Variants in SGCZ observed in about 807,000 individuals in gnomAD.
SGCZ encodes sarcoglycan zeta.
A neutral mutation model predicts 41.3 loss-of-function variants in SGCZ; 40 were observed. The ratio of observed to expected loss-of-function variants is 0.97; its 90% CI spans 0.75 to 1.26. The LOEUF is 1.26. SGCZ is among the 50% of genes most tolerant of loss of function. The pLI is 0.00. For missense variants in SGCZ, 552 were observed against 369.8 expected (o/e 1.49, Z -4.04); for synonymous variants, 206 against 137.5 (o/e 1.50, Z -3.49).
chr8:14,447,100 T>C (rs1800454812), intron 2 of SGCZ, among the ~76,000 whole-genome samples: 1 of 152,118 alleles, frequency 6.6e-6, no homozygotes, highest in African/African-American at 2.4e-5. Flanking sequence ...TGAATTTTCT[T>C]TAGTCAATTA....
chr8:15,186,101 TAA>T (rs34733244), intron 1 of SGCZ, among the ~76,000 whole-genome samples: 74,991 of 144,854 alleles, frequency 0.52, 20,134 homozygotes, highest in Non-Finnish European at 0.59. Flanking sequence ...AATAAAAAAA[TAA>T]AAAAAAAACT....
chr8:14,911,204 C>T (rs1392864565), intron 1 of SGCZ, among the ~76,000 whole-genome samples: 1 of 151,984 alleles, frequency 6.6e-6, no homozygotes, highest in Non-Finnish European at 1.5e-5. Flanking sequence ...TTCAAATTGT[C>T]AAAGTAATCA....
At chr8:14,484,007 C>T (rs1801605601) in intron 2 of SGCZ, among the ~76,000 whole-genome samples, 1 of 152,142 alleles carries the variant, frequency 6.6e-6, no homozygotes, top group African/African-American at 2.4e-5. Context: ...TTTGCAGTTT[C>T]TACACCTTAA....
intron 1 of SGCZ, among the ~76,000 whole-genome samples, chr8:15,119,872 C>A (rs967462825): frequency 3.9e-4 from 60 of 152,238 alleles, no homozygotes; most frequent in African/African-American, 1.4e-3. Context: ...TGCAGTAGTG[C>A]GATCATAACG....
intron 2 of SGCZ, among the ~76,000 whole-genome samples, chr8:14,470,326 G>A (rs1326337538): frequency 6.6e-6 from 1 of 152,022 alleles, no homozygotes; most frequent in Non-Finnish European, 1.5e-5. Flanking sequence ...AATCTCCAGT[G>A]CCTGGTCAAT....
At chr8:14,591,481 C>A (rs1156854216) in intron 1 of SGCZ, among the ~76,000 whole-genome samples, 1 of 151,922 alleles carries the variant, frequency 6.6e-6, no homozygotes, top group African/African-American at 2.4e-5. Context: ...TATTTTAAAA[C>A]CCTGATCAAA....
intron 7 of SGCZ, among the ~76,000 whole-genome samples, chr8:14,101,160 TAATCACTAA>T (rs1802008173): frequency 6.6e-6 from 1 of 152,032 alleles, no homozygotes; most frequent in African/African-American, 2.4e-5. Flanking sequence ...ATTAAAAACA[TAATCACTAA>T]AATTAAAAGC....
chr8:14,638,906 T>TA (rs1273140470), intron 1 of SGCZ, among the ~76,000 whole-genome samples: 3 of 151,754 alleles, frequency 2.0e-5, no homozygotes, highest in African/African-American at 7.3e-5. Context: ...GCTGGTTCAG[T>TA]AAAAGAATGA....
At chr8:15,181,354 A>G (rs1366131407) in intron 1 of SGCZ, among the ~76,000 whole-genome samples, 1 of 152,152 alleles carries the variant, frequency 6.6e-6, no homozygotes, top group East Asian at 1.9e-4. Context: ...GAATAAAGAT[A>G]TACCACAGAA....
At chr8:14,262,873 G>C (rs942119283) in intron 3 of SGCZ, among the ~76,000 whole-genome samples, 4 of 148,052 alleles carry the variant, frequency 2.7e-5, no homozygotes, top group Admixed American at 6.7e-5. Context: ...CAAAATGTGA[G>C]AAGTATAAAT....
At chr8:14,548,256 C>G (rs1354865896) in intron 2 of SGCZ, among the ~76,000 whole-genome samples, 1 of 152,110 alleles carries the variant, frequency 6.6e-6, no homozygotes, top group East Asian at 1.9e-4. Flanking sequence ...AGGGTTCATA[C>G]TTTGAACCAC....
In SGCZ at chr8:14,719,108, G is replaced by GT. The variant is rs1304080259; in HGVS notation, c.40-164183dup. On this transcript the variant is annotated intron_variant, in intron 1 of 7. Transcript: ENST00000382080. ...TATGAGTGAGAATATGCGGTGTTTG[G>GT]TTTTTTGTTCTTGCTATAGTTTACT... Among the ~76,000 whole-genome samples the GT allele has an allele frequency of 2.1e-3, 316 of 148,754 alleles. 2 individuals are homozygous for GT. Among genetic ancestry groups the GT allele is most frequent in the African/African-American group, 7.5e-3 (304 of 40,276 alleles).
chr8:14,388,315 G>T (rs1211706114), intron 2 of SGCZ, among the ~76,000 whole-genome samples: 1 of 151,986 alleles, frequency 6.6e-6, no homozygotes, highest in Non-Finnish European at 1.5e-5. Context: ...AGGTGCTGAG[G>T]CCTAGGAGCT....
intron 1 of SGCZ, among the ~76,000 whole-genome samples, chr8:14,669,385 G>GTAAGTAAGTAAGTAAGTAAATAAA (rs1465447907): frequency 4.0e-4 from 22 of 55,122 alleles, no homozygotes; most frequent in African/African-American, 3.4e-3. Context: ...AAGTAAGTAA[G>GTAAGTAAGTAAGTAAGTAAATAAA]TAAATAAATA....
chr8:14,798,235 A>G (rs776735180), intron 1 of SGCZ, among the ~76,000 whole-genome samples: 24 of 152,338 alleles, frequency 1.6e-4, no homozygotes, highest in Middle Eastern at 3.4e-3. Flanking sequence ...CATTGACCCA[A>G]TGAGGAAAGT....
intron 1 of SGCZ, among the ~76,000 whole-genome samples, chr8:14,922,777 T>C (rs1356488327): frequency 6.6e-6 from 1 of 152,182 alleles, no homozygotes. Flanking sequence ...TTCAGTGCAA[T>C]ATATACATAT....
At chr8:14,604,905 A>T (rs1805700691) in intron 1 of SGCZ, among the ~76,000 whole-genome samples, 1 of 152,220 alleles carries the variant, frequency 6.6e-6, no homozygotes, top group Admixed American at 6.5e-5. Flanking sequence ...AACAGTTACT[A>T]CAGAGATTAA....
chr8:15,129,322 C>T (rs1204604348), intron 1 of SGCZ, among the ~76,000 whole-genome samples: 2 of 152,178 alleles, frequency 1.3e-5, no homozygotes, highest in Non-Finnish European at 2.9e-5. Context: ...TCTTTCAAAG[C>T]TTGCCACAGT....
At chr8:14,986,103 T>G (rs1166574856) in intron 1 of SGCZ, among the ~76,000 whole-genome samples, 2 of 152,140 alleles carry the variant, frequency 1.3e-5, no homozygotes, top group Non-Finnish European at 2.9e-5. Flanking sequence ...GTATGGCACA[T>G]TTTTAAGTTT....
Sources: allele counts gnomAD v4.1 joint callset (sites outside exome capture counted in the v4.1 genomes callset), GRCh38; gene constraint gnomAD v4.1.1; transcripts MANE v1.5; gene names NCBI Gene and HGNC (gene_info 2026-07-23, HGNC 2026-07-21).